DROSHA: variants seen among roughly 807,000 people sequenced by gnomAD.
DROSHA encodes the protein ribonuclease 3.
A neutral mutation model predicts 181.9 loss-of-function variants in DROSHA; 56 were observed. The ratio of observed to expected loss-of-function variants is 0.31; its 90% confidence interval spans 0.25 to 0.38. The LOEUF is 0.38. Ranked by LOEUF, DROSHA falls within the 10% of genes least tolerant of loss-of-function variation. The pLI, the probability that DROSHA is intolerant of heterozygous loss-of-function variation, is 1.00. For synonymous variants in DROSHA, 524 were observed against 591.2 expected (o/e 0.89, Z 1.65); for missense variants, 1,218 against 1,743.5 (o/e 0.70, Z 5.37).
chr5:31,447,453 A>C (rs663040), intron 23 of DROSHA, among the ~76,000 whole-genome samples: 137,315 of 152,200 alleles, frequency 0.9, 62,131 homozygotes, highest in South Asian at 0.95. Flanking sequence ...CCACTGACTT[A>C]TTTGCAGAAA....
At chr5:31,530,617 C>T (rs56759022) in intron 3 of DROSHA, among the ~76,000 whole-genome samples, 181 bp downstream of exon 3, 30,653 of 134,236 alleles carry the variant, frequency 0.23, 3,427 homozygotes, top group Admixed American at 0.3. Flanking sequence ...GCAACAAGAG[C>T]GAAACTCTAG....
intron 6 of DROSHA, among the ~76,000 whole-genome samples, chr5:31,519,208 C>T (rs914579477): frequency 6.6e-6 from 1 of 152,054 alleles, no homozygotes; most frequent in Non-Finnish European, 1.5e-5. Context: ...ACCATTAAAC[C>T]GAGGCTATTT....
chr5:31,502,652 G>A (rs779545339), intron 11 of DROSHA, among the ~76,000 whole-genome samples: 4 of 152,234 alleles, frequency 2.6e-5, no homozygotes, highest in Admixed American at 6.5e-5. Flanking sequence ...GATCCCCACA[G>A]CTCCACCACT....
In DROSHA at chr5:31,410,767, T is replaced by A. The variant is rs1318353668; in HGVS notation, c.3646A>T (p.Thr1216Ser). 1 of 1,613,698 alleles carries A rather than the reference T, an allele frequency of 6.2e-7. No homozygotes were observed. Among genetic ancestry groups the A allele is most frequent in the Non-Finnish European group, 8.5e-7 (1 of 1,179,754 alleles). ...TCACATTCCAAAAGGTCCGCCAAGG[T>A]CTTGGTGCGAAGCGCCACAGGCCTC... ...TKRPVALRTKTLADLLESFIA... is the reference protein window; with the variant it reads ...TKRPVALRTKSLADLLESFIA... The change falls in exon 31 of 36, where the codon ACC (threonine) becomes TCC (serine). Residue 1216 changes from threonine (T) to serine (S), a missense_variant. Physicochemically the swap from Thr to Ser is moderately conservative, Grantham distance 58 (BLOSUM62 1). Around this residue, in one of 8 missense-constraint regions of DROSHA, gnomAD observed 47 missense variants for 70.6 expected, o/e 0.67. Transcript: ENST00000344624.
intron 10 of DROSHA, 102 bp from the exon 11 acceptor site, chr5:31,504,737 G>T: frequency 8.7e-7 from 1 of 1,147,170 alleles, no homozygotes; most frequent in Non-Finnish European, 1.3e-6. Flanking sequence ...CATGAGCGCT[G>T]AAGCTCTGAG....
chr5:31,496,740 T>C (rs79885992), intron 11 of DROSHA, among the ~76,000 whole-genome samples: 1,779 of 152,296 alleles, frequency 0.012, 34 homozygotes, highest in African/African-American at 0.032. Context: ...GTTGAAGTCA[T>C]GAGAGATCTT....
At chr5:31,475,267 G>A (rs115885720) in intron 16 of DROSHA, among the ~76,000 whole-genome samples, 1,567 of 152,262 alleles carry the variant, frequency 0.01, 32 homozygotes, top group African/African-American at 0.036. Context: ...GCAGTGAGCC[G>A]TAACTGTGCC....
chr5:31,480,177 A>AATATATATAT (rs1750855989), intron 16 of DROSHA, among the ~76,000 whole-genome samples: 1 of 16,264 alleles, frequency 6.1e-5, no homozygotes, highest in African/African-American at 1.1e-4. Context: ...TGGCAATGTC[A>AATATATATAT]GTATATATAT....
At chr5:31,432,501 A>T (rs1475153070) in intron 25 of DROSHA, among the ~76,000 whole-genome samples, 1 of 152,068 alleles carries the variant, frequency 6.6e-6, no homozygotes, top group East Asian at 1.9e-4. Context: ...TACACTTCTA[A>T]ATCTTTATTT....
chr5:31,418,269 G>C (rs1742210106), intron 30 of DROSHA, among the ~76,000 whole-genome samples: 3 of 151,584 alleles, frequency 2.0e-5, no homozygotes, highest in African/African-American at 7.3e-5. Context: ...GAGGGAGACA[G>C]AGAGAGAGAG....
At chr5:31,475,520 G>A (rs777092413) in intron 16 of DROSHA, among the ~76,000 whole-genome samples, 14 of 152,224 alleles carry the variant, frequency 9.2e-5, no homozygotes, top group Non-Finnish European at 1.6e-4. Context: ...GCCAGAATAC[G>A]TTGTCTATAC....
intron 6 of DROSHA, among the ~76,000 whole-genome samples, chr5:31,520,666 A>G (rs1739790365): frequency 1.3e-5 from 2 of 152,146 alleles, no homozygotes; most frequent in Admixed American, 1.3e-4. Flanking sequence ...GTTCTTCATT[A>G]CCATCATATT....
Position 31,514,928 on chromosome 5 carries a change from G to A in DROSHA, c.1290+60C>T. On this transcript the variant is annotated intron_variant, in intron 8 of 35. Transcript: ENST00000344624. This position sits in a 1 kb window ranked among gnomAD's most constrained non-coding sequence, Gnocchi z 4.4. ...ATCAAGAATTTATCCAGCCCCAAAG[G>A]CCAATAGTGACAACGCCGAGAAGCC... is the stretch of plus-strand genomic sequence containing the variant. 10 of 1,503,882 alleles carry A rather than the reference G, an allele frequency of 6.6e-6. No homozygotes were observed. The highest frequency in any genetic ancestry group is 9.1e-6 in the Non-Finnish European group (10 of 1,094,254). 93.2% of individuals were successfully genotyped at this position (1,503,882 alleles called of 1,614,324 possible). A position where few individuals can be genotyped will look rare whatever the true frequency, so the allele number is the denominator to read the frequency against.
At chr5:31,404,797 T>C (rs961978859) in intron 35 of DROSHA, among the ~76,000 whole-genome samples, 8 of 151,958 alleles carry the variant, frequency 5.3e-5, no homozygotes, top group African/African-American at 1.9e-4. Context: ...CATTTATTGG[T>C]GATAATGATT....
intron 30 of DROSHA, among the ~76,000 whole-genome samples, chr5:31,414,296 T>C (rs1231025352): frequency 6.6e-6 from 1 of 152,208 alleles, no homozygotes; most frequent in Non-Finnish European, 1.5e-5. Context: ...TAGATGGTGA[T>C]GTTATAAATT....
intron 10 of DROSHA, among the ~76,000 whole-genome samples, chr5:31,507,187 G>A (rs12513422): frequency 0.5 from 75,798 of 151,954 alleles, 21,610 homozygotes; most frequent in Non-Finnish European, 0.65. Flanking sequence ...CAGGCCAGGC[G>A]CAGTGGCTCA....
intron 27 of DROSHA, among the ~76,000 whole-genome samples, chr5:31,426,017 C>T (rs2149998489): frequency 6.6e-6 from 1 of 152,144 alleles, no homozygotes; most frequent in South Asian, 2.1e-4. Flanking sequence ...TCCAACCAAC[C>T]CCAGTCTCCA....
At position 31,470,520 on chromosome 5, in the gene DROSHA, T is replaced by C. The variant is rs776449010; in HGVS notation, c.2241+1543A>G. Among the ~76,000 whole-genome samples, 1 of 152,144 alleles carries C rather than the reference T, an allele frequency of 6.6e-6. No individual in the cohort carries two copies. The highest frequency in any genetic ancestry group is 2.4e-5 in the African/African-American group (1 of 41,434). ...TAACTTCACTAGCACCTGGCTCATA[T>C]AGTAGTCCCTTGACAAATTAGTTGA... On this transcript the variant is annotated intron_variant, in intron 17 of 35. Transcript: ENST00000344624. The surrounding 1 kb of genome is among the most constrained non-coding windows in gnomAD (Gnocchi z 4.0).
intron 4 of DROSHA, 45 bp downstream of exon 4, chr5:31,528,995 C>T: frequency 6.2e-7 from 1 of 1,610,356 alleles, no homozygotes; most frequent in African/African-American, 1.3e-5. Flanking sequence ...GTCTGCTCCT[C>T]TCTCGGTTCT....
Sources: allele counts gnomAD v4.1 joint callset (sites outside exome capture counted in the v4.1 genomes callset), GRCh38; gene constraint gnomAD v4.1.1; regional missense constraint gnomAD v4.1.1; non-coding constraint Gnocchi (gnomAD v3.1); transcripts MANE v1.5; gene names NCBI Gene and HGNC (gene_info 2026-07-23, HGNC 2026-07-21).